COP1: variants seen among roughly 807,000 people sequenced by gnomAD.
The protein encoded by COP1 is COP1 E3 ubiquitin ligase, also known as E3 ubiquitin-protein ligase COP1.
A neutral mutation model predicts 101.3 loss-of-function variants in COP1; 24 were observed. The ratio of observed to expected loss-of-function variants is 0.24; its 90% CI spans 0.17 to 0.33. The LOEUF (loss-of-function observed/expected upper bound fraction) is 0.33, where lower values mean the gene tolerates loss of function less well. Among genes scored for constraint, COP1 ranks in the 10% least tolerant of loss-of-function variants. The pLI, the probability that COP1 is intolerant of heterozygous loss-of-function variation, is 1.00. For missense variants in COP1, 663 were observed against 906.2 expected, an observed-to-expected ratio of 0.73 and a Z score of 3.45; for synonymous variants, 347 against 341.9, an observed-to-expected ratio of 1.01 and a Z score of -0.17.
chr1:176,202,337 A>G (rs1700351251), intron 1 of COP1, among the ~76,000 whole-genome samples: 1 of 151,846 alleles, frequency 6.6e-6, no homozygotes, highest in Non-Finnish European at 1.5e-5. Context: ...CTACAGGCAC[A>G]AGCCACCACA....
chr1:176,051,088 T>C (rs543483449), intron 11 of COP1, among the ~76,000 whole-genome samples: 12 of 152,218 alleles, frequency 7.9e-5, no homozygotes, highest in Admixed American at 3.3e-4. Flanking sequence ...GCCTCACCGG[T>C]TTTATAATTA....
chr1:176,043,366 G>T, intron 13 of COP1, 99 bp from the exon 14 acceptor site: 1 of 713,526 alleles, frequency 1.4e-6, no homozygotes, highest in South Asian at 1.9e-5. Flanking sequence ...ATTGTTACGG[G>T]GAGAGGGAAA....
intron 14 of COP1, among the ~76,000 whole-genome samples, chr1:176,032,146 T>C (rs1391705752): frequency 6.6e-6 from 1 of 152,180 alleles, no homozygotes; most frequent in Non-Finnish European, 1.5e-5. Flanking sequence ...GTAAGTTTCA[T>C]ATGGAATTCT....
chr1:176,102,394 C>T (rs1194554609), intron 9 of COP1, among the ~76,000 whole-genome samples: 1 of 152,184 alleles, frequency 6.6e-6, no homozygotes, highest in Non-Finnish European at 1.5e-5. Context: ...AATATCACTA[C>T]ACACATGAAA....
At chr1:176,101,193 G>A (rs1460890330) in intron 9 of COP1, among the ~76,000 whole-genome samples, 1 of 152,138 alleles carries the variant, frequency 6.6e-6, no homozygotes, top group Non-Finnish European at 1.5e-5. Flanking sequence ...TGACACCCAT[G>A]GGTGGCACCC....
intron 15 of COP1, among the ~76,000 whole-genome samples, chr1:176,026,377 A>C (rs926901621): frequency 1.3e-5 from 2 of 152,016 alleles, no homozygotes; most frequent in Admixed American, 1.3e-4. Flanking sequence ...AACTTTACAC[A>C]AAGAATCTTT....
At chr1:176,034,821 G>A (rs1669207690) in intron 14 of COP1, among the ~76,000 whole-genome samples, 1 of 152,162 alleles carries the variant, frequency 6.6e-6, no homozygotes, top group Non-Finnish European at 1.5e-5. Flanking sequence ...CAGACTCAAA[G>A]TACCACAGCA....
At chr1:176,104,292 A>G (rs1426088741) in intron 9 of COP1, among the ~76,000 whole-genome samples, 1 of 152,172 alleles carries the variant, frequency 6.6e-6, no homozygotes, top group Non-Finnish European at 1.5e-5. Context: ...GAAGCTTTTA[A>G]CTGTGATTCA....
In COP1 at chr1:176,124,741, A is replaced by G. The variant is rs143817353; in HGVS notation, c.969-8060T>C. On this transcript the variant is annotated intron_variant, in intron 8 of 19. Coordinates refer to ENST00000367669, the MANE Select transcript of COP1 (RefSeq NM_022457.7). The stretch of plus-strand genomic sequence containing the variant: ...TGCTGCAACAAACATGGGAATGCAG[A>G]TAACTCTTTCATGTATACGTTTCCT... Among the ~76,000 whole-genome samples the G allele has an allele frequency of 2.6e-3, 403 of 152,310 alleles. 3 individuals carry two copies. Among genetic ancestry groups the G allele is most frequent in the African/African-American group, 9.2e-3 (382 of 41,574 alleles).
intron 1 of COP1, among the ~76,000 whole-genome samples, chr1:176,191,080 G>C (rs570377777): frequency 2.6e-4 from 40 of 152,006 alleles, no homozygotes; most frequent in Non-Finnish European, 5.3e-4. Flanking sequence ...CTGATTCTTT[G>C]TGATTTTATA....
chr1:176,040,143 T>C (rs982203657), intron 14 of COP1, among the ~76,000 whole-genome samples: 14 of 152,068 alleles, frequency 9.2e-5, no homozygotes, highest in Non-Finnish European at 1.5e-4. Context: ...AAGAACACTA[T>C]AAAAAAACTA....
intron 15 of COP1, among the ~76,000 whole-genome samples, chr1:176,004,816 T>C (rs183764826): frequency 6.6e-6 from 1 of 151,280 alleles, no homozygotes; most frequent in African/African-American, 2.4e-5. Flanking sequence ...AAATTCTCTT[T>C]TTTGGTTGTG....
intron 18 of COP1, among the ~76,000 whole-genome samples, chr1:175,954,759 CAGAG>C (rs1571236375): frequency 6.6e-6 from 1 of 151,968 alleles, no homozygotes; most frequent in East Asian, 1.9e-4. Context: ...CAAACAAAAC[CAGAG>C]AAAGACATTA....
At chr1:176,004,576 T>C (rs1178287204) in intron 15 of COP1, among the ~76,000 whole-genome samples, 3 of 152,190 alleles carry the variant, frequency 2.0e-5, no homozygotes, top group African/African-American at 7.2e-5. Context: ...TGTTGCATTT[T>C]GTTGAAGGCT....
At chr1:176,096,832 C>G (rs1032322067) in intron 9 of COP1, among the ~76,000 whole-genome samples, 9 of 152,198 alleles carry the variant, frequency 5.9e-5, no homozygotes, top group Non-Finnish European at 4.4e-5. Flanking sequence ...AAGTAGCAAA[C>G]TTTGCTGCAG....
chr1:176,124,783 C>T lies in COP1; in HGVS notation c.969-8102G>A, dbSNP rs186217597. On this transcript the variant is annotated intron_variant, in intron 8 of 19. Coordinates refer to ENST00000367669, the MANE Select transcript of COP1 (RefSeq NM_022457.7). ...ACGTTTCCTTTCTTTTGGATATATA[C>T]CCAGCAGTGGGATTGCTGCGTAATA... Among the ~76,000 whole-genome samples, 289 of 152,238 alleles carry T rather than the reference C, an allele frequency of 1.9e-3. 3 individuals carry two copies. Among genetic ancestry groups the T allele is most frequent in the African/African-American group, 6.7e-3 (279 of 41,538 alleles).
chr1:176,077,297 T>C (rs1558058707), intron 11 of COP1, among the ~76,000 whole-genome samples: 1 of 152,118 alleles, frequency 6.6e-6, no homozygotes, highest in East Asian at 1.9e-4. Flanking sequence ...AAAAGTTAAT[T>C]TGCCACAATC....
intron 7 of COP1, among the ~76,000 whole-genome samples, chr1:176,136,253 T>C (rs1176833855): frequency 2.0e-5 from 3 of 152,118 alleles, no homozygotes; most frequent in Non-Finnish European, 4.4e-5. Context: ...TTTGTCAGTC[T>C]AATCGAGAAA....
chr1:176,163,067 C>T, intron 4 of COP1, 79 bp from the exon 5 acceptor site: 4 of 1,395,664 alleles, frequency 2.9e-6, no homozygotes, highest in Non-Finnish European at 3.9e-6. Flanking sequence ...TTACTTGCTA[C>T]TTCCTAATAT....
Sources: allele counts gnomAD v4.1 joint callset (sites outside exome capture counted in the v4.1 genomes callset), GRCh38; gene constraint gnomAD v4.1.1; transcripts MANE v1.5; gene names NCBI Gene and HGNC (gene_info 2026-07-23, HGNC 2026-07-21).